The following CIROZ variants were observed in gnomAD, a reference collection of about 807,000 sequenced individuals.
CIROZ encodes the protein ciliated left-right organizer protein containing ZP-N domains.
the CIROZ span, chr1:10,957,448 G>A: frequency 2.1e-6 from 2 of 944,972 alleles, no homozygotes; most frequent in East Asian, 5.3e-5. Flanking sequence ...CTGCAGAGCG[G>A]AGCGCTTTAC....
At chr1:10,971,963 CAT>C in the CIROZ span, among the ~76,000 whole-genome samples, 1 of 152,218 alleles carries the variant, frequency 6.6e-6, no homozygotes, top group African/African-American at 2.4e-5. Flanking sequence ...CCCCATGACA[CAT>C]AAACTACAAG....
At chr1:10,967,334 G>T in the CIROZ span, among the ~76,000 whole-genome samples, 1 of 151,746 alleles carries the variant, frequency 6.6e-6, no homozygotes, top group African/African-American at 2.4e-5. Context: ...CTGCCTCAGG[G>T]CCCTTGCACT....
At chr1:10,978,849 G>A in the CIROZ span, among the ~76,000 whole-genome samples, 2 of 152,202 alleles carry the variant, frequency 1.3e-5, no homozygotes, top group Non-Finnish European at 1.5e-5. Flanking sequence ...AGTGGAACTA[G>A]AGCCAGTGAC....
the CIROZ span, among the ~76,000 whole-genome samples, chr1:10,961,282 C>G: frequency 6.6e-6 from 1 of 152,130 alleles, no homozygotes; most frequent in Non-Finnish European, 1.5e-5. Context: ...GCTTGGGGAT[C>G]CCGGGGCGGG....
At chr1:10,964,203 G>A in the CIROZ span, 1 of 1,614,192 alleles carries the variant, frequency 6.2e-7, no homozygotes, top group Non-Finnish European at 8.5e-7. Context: ...TCATTATGTA[G>A]CGATCACTCC....
At chr1:10,949,334 C>A in the CIROZ span, 383 of 485,876 alleles carry the variant, frequency 7.9e-4, 4 homozygotes, top group South Asian at 4.0e-3. Flanking sequence ...GCTGACCCCC[C>A]ACCCTCTGCT....
the CIROZ span, among the ~76,000 whole-genome samples, chr1:10,956,339 T>G: frequency 6.6e-6 from 1 of 152,054 alleles, no homozygotes; most frequent in Admixed American, 6.6e-5. Flanking sequence ...CCCACCACCC[T>G]CAGATCACAG....
chr1:10,972,420 TACACACACACAC>T, the CIROZ span, among the ~76,000 whole-genome samples: 59 of 131,806 alleles, frequency 4.5e-4, no homozygotes, highest in South Asian at 5.0e-4. Context: ...GTCTCTGAAA[TACACACACACAC>T]ACACACACAC....
chr1:10,964,873 C>T, the CIROZ span, among the ~76,000 whole-genome samples: 24 of 152,294 alleles, frequency 1.6e-4, no homozygotes, highest in East Asian at 1.7e-3. Context: ...TCAAGTGATC[C>T]GCTCATCTTG....
the CIROZ span, chr1:10,947,691 T>C: frequency 3.3e-6 from 5 of 1,523,826 alleles, no homozygotes; most frequent in Non-Finnish European, 4.4e-6. Context: ...AGAAAGCCCC[T>C]CCACACTGTC....
chr1:10,966,331 A>G, the CIROZ span: 2 of 1,499,762 alleles, frequency 1.3e-6, no homozygotes, highest in South Asian at 2.6e-5. Context: ...CTTTAAAAAA[A>G]AAAAAAGAAA....
At chr1:10,970,355 C>T in the CIROZ span, among the ~76,000 whole-genome samples, 11 of 152,204 alleles carry the variant, frequency 7.2e-5, no homozygotes, top group Admixed American at 5.9e-4. Context: ...AGGCTGGGCA[C>T]GGTGGCTCAT....
At chr1:10,965,955 C>A in the CIROZ span, among the ~76,000 whole-genome samples, 6 of 152,156 alleles carry the variant, frequency 3.9e-5, no homozygotes, top group African/African-American at 1.4e-4. Flanking sequence ...TCCTCAGCAC[C>A]ATTTATTCAC....
the CIROZ span, among the ~76,000 whole-genome samples, chr1:10,959,927 A>C: frequency 6.6e-6 from 1 of 152,098 alleles, no homozygotes; most frequent in South Asian, 2.1e-4. This position sits in a 1 kb window ranked among gnomAD's most constrained non-coding sequence, Gnocchi z 4.3. Context: ...GAAATGGAGG[A>C]GATGTCCACA....
chr1:10,974,710 C>G, the CIROZ span, among the ~76,000 whole-genome samples: 1 of 152,174 alleles, frequency 6.6e-6, no homozygotes, highest in South Asian at 2.1e-4. This position sits in a 1 kb window ranked among gnomAD's most constrained non-coding sequence, Gnocchi z 4.4. Context: ...AAAAATGACA[C>G]CCCAGAGATC....
chr1:10,966,345 T>A, the CIROZ span: 1 of 1,498,566 alleles, frequency 6.7e-7, no homozygotes, highest in Admixed American at 2.5e-5. Flanking sequence ...AAAGAAAAGT[T>A]TCCCAAACCC....
chr1:10,979,615 C>T, the CIROZ span, among the ~76,000 whole-genome samples: 2 of 152,120 alleles, frequency 1.3e-5, no homozygotes, highest in Non-Finnish European at 1.5e-5. Context: ...ACAAGGGCAT[C>T]AGAGGACACG....
the CIROZ span, chr1:10,969,865 A>C: frequency 7.1e-7 from 1 of 1,406,196 alleles, no homozygotes; most frequent in Non-Finnish European, 9.2e-7. Flanking sequence ...GATTTGAGTG[A>C]TGCCCAGGAA....
chr1:10,953,904 C>A, the CIROZ span: 1 of 1,417,338 alleles, frequency 7.1e-7, no homozygotes, highest in Non-Finnish European at 9.4e-7. Flanking sequence ...TGGGATCTGT[C>A]GGGTCCAGGG....
Sources: gnomAD v4.1 joint callset for allele counts (sites outside exome capture counted in the v4.1 genomes callset) on GRCh38, gnomAD v4.1.1 for gene constraint, Gnocchi (gnomAD v3.1) non-coding constraint, MANE v1.5 for transcripts, NCBI Gene and HGNC (gene_info 2026-07-23, HGNC 2026-07-21) for gene names.